PCYT2: variants seen among roughly 807,000 people sequenced by gnomAD.
PCYT2 encodes phosphate cytidylyltransferase 2, ethanolamine, also known as ethanolamine-phosphate cytidylyltransferase.
A neutral mutation model predicts 50.0 loss-of-function variants in PCYT2; 33 were observed. That is an observed-to-expected ratio of 0.66 (90% CI 0.50 to 0.88). The LOEUF is 0.88. Ranked by LOEUF, PCYT2 falls within the 40% of genes least tolerant of loss-of-function variation. The probability of loss-of-function intolerance (pLI) is 0.00; values close to 1 mark genes in which losing one functional copy is unlikely to be tolerated. For synonymous variants in PCYT2, 240 were observed against 203.7 expected (o/e 1.18, Z -1.52); for missense variants, 430 against 519.7 (o/e 0.83, Z 1.68).
At chr17:81,907,523 T>C (rs1228255160) in intron 6 of PCYT2, 31 bp downstream of exon 6, 2 of 1,594,180 alleles carry the variant, frequency 1.3e-6, no homozygotes, top group Non-Finnish European at 1.7e-6. Context: ...TGCAGCTGCG[T>C]GCTCAGCTCT....
intron 6 of PCYT2, 129 bp from the exon 7 acceptor site, chr17:81,907,027 A>T: frequency 8.4e-7 from 1 of 1,187,586 alleles, no homozygotes; most frequent in Non-Finnish European, 1.2e-6. Flanking sequence ...GGCAGGGGAC[A>T]CACTGCCAGG....
In PCYT2 at chr17:81,906,165, A is replaced by G. The variant is rs2040254288; in HGVS notation, c.772T>C (p.Tyr258His). 6.2e-7 allele frequency: 1 copy of G among 1,612,050 alleles called. No individual in the cohort carries two copies. Among genetic ancestry groups the G allele is most frequent in the Non-Finnish European group, 8.5e-7 (1 of 1,179,102 alleles). Reference sequence around the variant, plus strand: ...ATGATGGGGTAGTTCTTCCCCTTGTAGTGATTGACCTCCTGCGGCCAGAGT... The same window carrying G: ...ATGATGGGGTAGTTCTTCCCCTTGTGGTGATTGACCTCCTGCGGCCAGAGT... ...GLHFDQEVNHYKGKNYPIMNL... is the reference protein window; with the variant it reads ...GLHFDQEVNHHKGKNYPIMNL... Residue 258 changes from tyrosine (Y) to histidine (H), a missense_variant, in exon 9 of 13, where the codon TAC (tyrosine) becomes CAC (histidine). Around this residue, in one of 4 missense-constraint regions of PCYT2, gnomAD observed 248 missense variants for 300.2 expected, o/e 0.83. Coordinates refer to ENST00000538936, the MANE Select transcript of PCYT2 (RefSeq NM_002861.5).
chr17:81,902,409 G>A lies in PCYT2; in HGVS notation c.*2424C>T. On this transcript the variant is annotated 3_prime_UTR_variant, in exon 13 of 13. Coordinates refer to ENST00000538936, the MANE Select transcript of PCYT2 (RefSeq NM_002861.5). ...CGGTGGGCCGCGCCGCGGGGCTGCT[G>A]TCCGGCCTCCGCAGGTCCCCGTACG... 7.4e-7 allele frequency: 1 copy of A among 1,348,034 alleles called. No individual in the cohort carries two copies. The highest frequency in any genetic ancestry group is 9.5e-7 in the Non-Finnish European group (1 of 1,057,126). 83.5% of individuals were successfully genotyped at this position (1,348,034 alleles called of 1,614,324 possible).
Position 81,905,612 on chromosome 17 carries a change from G to A in PCYT2, c.903+58C>T, listed in dbSNP as rs2040218301. On this transcript the variant is annotated intron_variant, in intron 10 of 12. Coordinates refer to ENST00000538936, the MANE Select transcript of PCYT2 (RefSeq NM_002861.5). ...AGCCCACAGCCAGCCTGCATTCCCAGCCCATGCAGGAACAGAGGTGAACAG... is the reference window on the plus strand; with the variant it reads ...AGCCCACAGCCAGCCTGCATTCCCAACCCATGCAGGAACAGAGGTGAACAG... 1.9e-6 allele frequency: 3 copies of A among 1,556,616 alleles called. No homozygotes were observed. In the South Asian group the frequency reaches 3.3e-5, roughly 17 times the overall value.
At chr17:81,906,217 T>G in intron 8 of PCYT2, 40 bp from the exon 9 acceptor site, 1 of 1,555,096 alleles carries the variant, frequency 6.4e-7, no homozygotes, top group Non-Finnish European at 8.8e-7. Context: ...GGAGACTTTT[T>G]GGGGGGACAG....
In PCYT2 at chr17:81,911,377, A is replaced by G; in HGVS notation, c.-22T>C. 2 of 1,033,824 alleles carry G rather than the reference A, an allele frequency of 1.9e-6. No homozygotes were observed. The highest frequency in any genetic ancestry group is 2.3e-6 in the Non-Finnish European group (2 of 862,796). 64.0% of individuals were successfully genotyped at this position (1,033,824 alleles called of 1,614,324 possible). ...TCATGGCCCCGCAGCGGCGGCGCGG[A>G]CAGCCTGGCAGCTCCCGGCGACTCC... is the stretch of plus-strand genomic sequence containing the variant. On this transcript the variant is annotated 5_prime_UTR_variant, in exon 1 of 13. Coordinates refer to ENST00000538936, the MANE Select transcript of PCYT2 (RefSeq NM_002861.5).
Position 81,905,446 on chromosome 17 carries a change from A to T in PCYT2, c.905T>A (p.Val302Glu). 6.4e-7 allele frequency: 1 copy of T among 1,565,460 alleles called. No individual in the cohort carries two copies. Among genetic ancestry groups the T allele is most frequent in the Non-Finnish European group, 8.7e-7 (1 of 1,154,972 alleles). ...VTAELLSHFK[V>E]DLVCHGKTEI... ...TGTCTTGCCGTGACACACCAGGTCC[A>T]CCTGGAGAAGGAGTGGGGTCAGGAG... The change falls in exon 11 of 13, where the codon GTG becomes GAG. Residue 302 changes from valine to glutamate, a missense_variant and splice_region_variant. By Grantham distance (121) the Val-to-Glu change is moderately radical. Transcript: ENST00000538936.
Position 81,902,281 on chromosome 17 carries a change from G to T in PCYT2, c.*2552C>A. 1.5e-6 allele frequency: 2 copies of T among 1,307,408 alleles called. No individual in the cohort carries two copies. Among genetic ancestry groups the T allele is most frequent in the South Asian group, 2.3e-5 (1 of 43,102 alleles). 81.0% of individuals were successfully genotyped at this position (1,307,408 alleles called of 1,614,324 possible). A position where few individuals can be genotyped will look rare whatever the true frequency, so the allele number is the denominator to read the frequency against. On this transcript the variant is annotated 3_prime_UTR_variant, in exon 13 of 13. Coordinates refer to ENST00000538936, the MANE Select transcript of PCYT2 (RefSeq NM_002861.5). ...CCACCAGTCAGCCGGCGTCCCCATGGCCCGGTCCGCGACACTGGCGGCCGC... is the reference window on the plus strand; with the variant it reads ...CCACCAGTCAGCCGGCGTCCCCATGTCCCGGTCCGCGACACTGGCGGCCGC...
In PCYT2 at chr17:81,910,362, C is replaced by A. The variant is rs539009773; in HGVS notation, c.90-760G>T. Among the ~76,000 whole-genome samples, 77 of 152,360 alleles carry A rather than the reference C, an allele frequency of 5.1e-4. 1 individual carries two copies. Among genetic ancestry groups the A allele is most frequent in the African/African-American group, 1.7e-3 (69 of 41,584 alleles). The stretch of plus-strand genomic sequence containing the variant: ...TCTCCAGGGAGAGGTGTGACCCTGG[C>A]AGCCCACACAGTGCACAGAGTTGCT... On this transcript the variant is annotated intron_variant, in intron 1 of 12. Transcript: ENST00000538936.
intron 2 of PCYT2, 135 bp downstream of exon 2, chr17:81,909,379 C>G: frequency 7.0e-7 from 1 of 1,438,092 alleles, no homozygotes; most frequent in Non-Finnish European, 9.3e-7. Flanking sequence ...TGGGGCTGGG[C>G]TGGGTGAGCC....
At chr17:81,909,119 G>A in intron 2 of PCYT2, 82 bp from the exon 3 acceptor site, 1 of 1,553,184 alleles carries the variant, frequency 6.4e-7, no homozygotes, top group Non-Finnish European at 8.7e-7. Context: ...GCACCCAGCT[G>A]TAGCCACACA....
rs753005137 is a variant in PCYT2 at position 81,906,853 on chromosome 17, G to C, written c.583C>G (p.Gln195Glu). 1.2e-6 allele frequency: 2 copies of C among 1,613,246 alleles called. No individual in the cohort carries two copies. Residue 195 changes from glutamine (Q) to glutamate (E), a missense_variant, in exon 7 of 13, where the codon CAG becomes GAG. By Grantham distance (29) the Gln-to-Glu change is conservative. Around this residue, in one of 4 missense-constraint regions of PCYT2, gnomAD observed 248 missense variants for 300.2 expected, o/e 0.83. Coordinates refer to ENST00000538936, the MANE Select transcript of PCYT2 (RefSeq NM_002861.5). ...NPWTGVSQFL[Q>E]TSQKIIQFAS... is the part of the protein sequence containing the mutation. ...AACTGGATGATCTTCTGAGATGTCT[G>C]CAGGAACTGGGATACCCCGGTCCAG...
Position 81,908,731 on chromosome 17 carries a change from C to T in PCYT2, c.341-97G>A, listed in dbSNP as rs182313307. 4.0e-4 allele frequency: 532 copies of T among 1,319,616 alleles called. 2 individuals are homozygous for T. In the African/African-American group the frequency reaches 6.5e-3, roughly 16 times the overall value. 81.7% of individuals were successfully genotyped at this position (1,319,616 alleles called of 1,614,324 possible). A position where few individuals can be genotyped will look rare whatever the true frequency, so the allele number is the denominator to read the frequency against. On this transcript the variant is annotated intron_variant, in intron 3 of 12. Coordinates refer to ENST00000538936, the MANE Select transcript of PCYT2 (RefSeq NM_002861.5). ...TCGGCCCCTGGCCTGCCCTAGTGTC[C>T]GCGTGCCCATTTCTAGGTGGGGGCC...
At chr17:81,905,881 G>C in intron 9 of PCYT2, 146 bp from the exon 10 acceptor site, 1 of 861,364 alleles carries the variant, frequency 1.2e-6, no homozygotes, top group Non-Finnish European at 1.9e-6. Context: ...GACCCCTGGG[G>C]CTCCTCCATG....
chr17:81,905,380 A>G lies in PCYT2; in HGVS notation c.969+2T>C. On this transcript the variant is annotated splice_donor_variant, in intron 11 of 12. Coordinates refer to ENST00000538936, the MANE Select transcript of PCYT2 (RefSeq NM_002861.5). LOFTEE classifies it high-confidence loss of function. ...TGCCCAGCAAGGGCCAGCATGACCC[A>G]CCTGGTATGGGTCGGAGCCATCCCT... 6.4e-7 allele frequency: 1 copy of G among 1,556,804 alleles called. No individual in the cohort carries two copies. Among genetic ancestry groups the G allele is most frequent in the Admixed American group, 1.9e-5 (1 of 51,946 alleles).
rs1357087939 is a variant in PCYT2 at position 81,903,203 on chromosome 17, G to A, written c.*1630C>T. On this transcript the variant is annotated 3_prime_UTR_variant, in exon 13 of 13. Coordinates refer to ENST00000538936, the MANE Select transcript of PCYT2 (RefSeq NM_002861.5). ...AGCCAAATCTGTGAGGGCATGGGCT[G>A]GAGCCCCTGGCTGCCTTCCTCTTGC... 3 of 170,542 alleles carry A rather than the reference G, an allele frequency of 1.8e-5. No individual in the cohort carries two copies. The highest frequency in any genetic ancestry group is 3.3e-4 in the East Asian group (2 of 5,984). 10.6% of individuals were successfully genotyped at this position (170,542 alleles called of 1,614,324 possible).
chr17:81,905,350 C>A, intron 11 of PCYT2, 32 bp downstream of exon 11: 2 of 1,540,172 alleles, frequency 1.3e-6, no homozygotes, highest in Non-Finnish European at 1.8e-6. Context: ...CAATGGCAAC[C>A]CCTGTGCCCA....
At chr17:81,905,975 G>A in intron 9 of PCYT2, 125 bp downstream of exon 9, 14 of 856,624 alleles carry the variant, frequency 1.6e-5, no homozygotes, top group South Asian at 1.1e-4. Context: ...CACAGAACTC[G>A]GGGTGCTGGG....
intron 9 of PCYT2, 31 bp from the exon 10 acceptor site, chr17:81,905,766 C>T (rs776990065): frequency 6.2e-7 from 1 of 1,608,438 alleles, no homozygotes; most frequent in Non-Finnish European, 8.5e-7. Flanking sequence ...GAAAGACTTG[C>T]TCGGTCCCTG....
Sources: allele counts gnomAD v4.1 joint callset (sites outside exome capture counted in the v4.1 genomes callset), GRCh38; gene constraint gnomAD v4.1.1; regional missense constraint gnomAD v4.1.1; transcripts MANE v1.5; gene names NCBI Gene and HGNC (gene_info 2026-07-23, HGNC 2026-07-21).